The following FILIP1L variants were observed in gnomAD, a reference collection of about 807,000 sequenced individuals.
The protein encoded by FILIP1L is filamin A-interacting protein 1-like.
Under a neutral mutation model 96.6 loss-of-function variants are expected in FILIP1L, and 55 were observed. That is an observed-to-expected ratio of 0.57 (90% CI 0.46 to 0.71). FILIP1L has a LOEUF of 0.71. Ranked by LOEUF, FILIP1L falls within the 30% of genes least tolerant of loss-of-function variation. The pLI is 0.00. For synonymous variants in FILIP1L, 467 were observed against 473.9 expected, an observed-to-expected ratio of 0.99 and a Z score of 0.19; for missense variants, 1,304 against 1,321.2, an observed-to-expected ratio of 0.99 and a Z score of 0.20.
intron 1 of FILIP1L, among the ~76,000 whole-genome samples, chr3:100,066,303 T>C (rs1055831123): frequency 2.6e-5 from 4 of 152,210 alleles, no homozygotes; most frequent in African/African-American, 9.6e-5. Flanking sequence ...TAAAACCTCT[T>C]ACAGAAATTA....
At chr3:100,004,151 T>G (rs891477613) in intron 1 of FILIP1L, among the ~76,000 whole-genome samples, 11 of 152,170 alleles carry the variant, frequency 7.2e-5, no homozygotes, top group African/African-American at 2.7e-4. Context: ...ATTTGCAAGG[T>G]AATTTTGACA....
intron 1 of FILIP1L, among the ~76,000 whole-genome samples, chr3:99,973,579 A>G (rs1708884526): frequency 6.6e-6 from 1 of 152,182 alleles, no homozygotes; most frequent in South Asian, 2.1e-4. Flanking sequence ...AAAGTTATCA[A>G]CATCCTCCCT....
At chr3:100,057,648 G>T (rs1454501739) in intron 1 of FILIP1L, among the ~76,000 whole-genome samples, 2 of 152,156 alleles carry the variant, frequency 1.3e-5, no homozygotes, top group Admixed American at 1.3e-4. Flanking sequence ...AATGCTTTGG[G>T]ATCAGGCCCC....
At chr3:99,887,949 A>C (rs1423723828) in intron 4 of FILIP1L, among the ~76,000 whole-genome samples, 1 of 151,966 alleles carries the variant, frequency 6.6e-6, no homozygotes, top group African/African-American at 2.4e-5. Context: ...CATGTTGCCC[A>C]GGCTCATCTT....
At position 99,930,140 on chromosome 3, in the gene FILIP1L, A is replaced by T; in HGVS notation, c.253-111T>A. The T allele has an allele frequency of 3.5e-6, 3 of 850,178 alleles. No homozygotes were observed. In the South Asian group the frequency reaches 5.5e-5, roughly 16 times the overall value. The allele number at this position is 850,178 out of a possible 1,614,324, so 52.7% of individuals were successfully genotyped here. A position where few individuals can be genotyped will look rare whatever the true frequency, so the allele number is the denominator to read the frequency against. On this transcript the variant is annotated intron_variant, in intron 2 of 5. Transcript: ENST00000477258. The stretch of plus-strand genomic sequence containing the variant: ...TTTCTTCTCTTTCAAATCTAAATGA[A>T]TCATATTTCATTTTCACACTTTTAT...
intron 3 of FILIP1L, chr3:99,925,988 T>G (rs1206327593): frequency 1.7e-6 from 1 of 604,064 alleles, no homozygotes; most frequent in East Asian, 1.4e-4. Context: ...ATTAAGAACT[T>G]GGTTTTGAAA....
At chr3:99,865,518 T>A (rs1944469389) in intron 4 of FILIP1L, among the ~76,000 whole-genome samples, 1 of 152,166 alleles carries the variant, frequency 6.6e-6, no homozygotes, top group South Asian at 2.1e-4. Flanking sequence ...CATTAGCAAA[T>A]ATTCTCTTAG....
At chr3:100,084,423 C>T (rs1559752060) in intron 1 of FILIP1L, among the ~76,000 whole-genome samples, 1 of 152,152 alleles carries the variant, frequency 6.6e-6, no homozygotes, top group Non-Finnish European at 1.5e-5. Flanking sequence ...TGCAAATTCA[C>T]ATTTTGGGCT....
At chr3:99,936,771 T>G (rs963062341) in intron 1 of FILIP1L, among the ~76,000 whole-genome samples, 1 of 151,756 alleles carries the variant, frequency 6.6e-6, no homozygotes, top group African/African-American at 2.4e-5. Context: ...CTCCAGAGCC[T>G]ACTAAATCAC....
chr3:100,113,908 A>T (rs977574750), intron 1 of FILIP1L, 145 bp downstream of exon 1: 1 of 152,138 alleles, frequency 6.6e-6, no homozygotes, highest in Non-Finnish European at 1.5e-5. Flanking sequence ...ATCATCTGTC[A>T]TAAGCTCTTA....
intron 1 of FILIP1L, among the ~76,000 whole-genome samples, chr3:100,055,287 T>G (rs1234075310): frequency 6.6e-6 from 1 of 152,200 alleles, no homozygotes; most frequent in Non-Finnish European, 1.5e-5. Flanking sequence ...CCTCAGTATC[T>G]TTAGCATTAC....
At chr3:99,960,100 G>A (rs929468725) in intron 1 of FILIP1L, among the ~76,000 whole-genome samples, 5 of 151,994 alleles carry the variant, frequency 3.3e-5, no homozygotes, top group Admixed American at 1.3e-4. Context: ...GCTCCATCCC[G>A]ACCTGGGTTA....
At position 99,951,423 on chromosome 3, in the gene FILIP1L, C is replaced by T. The variant is rs559258070; in HGVS notation, c.-10-20393G>A. On this transcript the variant is annotated intron_variant, in intron 1 of 5. Transcript: ENST00000477258. ...ACCTTGCGCATAGTATGTACTCTGT[C>T]GAATGAATGAATGATTGAATGAATG... Among the ~76,000 whole-genome samples the T allele has an allele frequency of 2.4e-4, 37 of 152,186 alleles. No homozygotes were observed. The Middle Eastern group carries it at 0.027, about 112-fold the overall frequency.
chr3:99,850,296 T>G lies in FILIP1L; in HGVS notation c.1380A>C (p.Gln460His). 1.9e-6 allele frequency: 3 copies of G among 1,613,852 alleles called. No individual in the cohort carries two copies. Among genetic ancestry groups the G allele is most frequent in the Non-Finnish European group, 2.5e-6 (3 of 1,179,988 alleles). The change falls in exon 5 of 6, where the codon CAA (glutamine) becomes CAC (histidine). Residue 460 changes from glutamine (Q) to histidine (H), a missense_variant. By Grantham distance (24) the Gln-to-His change is conservative (BLOSUM62 0). Transcript: ENST00000477258. The part of the protein sequence containing the change: ...KERMTTKQLS[Q>H]ELESLKVRIK... Reference sequence around the variant, plus strand: ...TCCTTACTTTTAAACTCTCCAGTTCTTGAGACAACTGCTTTGTGGTCATCC... The same window carrying G: ...TCCTTACTTTTAAACTCTCCAGTTCGTGAGACAACTGCTTTGTGGTCATCC...
intron 1 of FILIP1L, among the ~76,000 whole-genome samples, chr3:100,039,134 A>G (rs776013334): frequency 6.6e-6 from 1 of 152,232 alleles, no homozygotes; most frequent in Non-Finnish European, 1.5e-5. Flanking sequence ...TATTGAAATT[A>G]TCATCATCTA....
At chr3:99,983,428 GTA>G (rs1553702729) in intron 1 of FILIP1L, among the ~76,000 whole-genome samples, 1 of 47,152 alleles carries the variant, frequency 2.1e-5, no homozygotes, top group African/African-American at 1.0e-4. Flanking sequence ...ATGTATGTAT[GTA>G]TGTATATATA....
At chr3:99,896,336 C>T (rs1042661344) in intron 4 of FILIP1L, among the ~76,000 whole-genome samples, 5 of 152,158 alleles carry the variant, frequency 3.3e-5, no homozygotes, top group Admixed American at 6.5e-5. Context: ...TAATGTTAGC[C>T]ACATAATTGG....
intron 1 of FILIP1L, 99 bp downstream of exon 1, chr3:100,113,954 T>C (rs899980448): frequency 5.3e-5 from 8 of 152,080 alleles, no homozygotes; most frequent in African/African-American, 1.9e-4. Context: ...ATTCACAAGA[T>C]CCTACTTTTG....
intron 1 of FILIP1L, chr3:100,041,364 G>A (rs939525079): frequency 6.6e-6 from 1 of 152,092 alleles, no homozygotes; most frequent in Non-Finnish European, 1.5e-5. Flanking sequence ...GTAACTTCAG[G>A]TCTGTGAAGC....
Sources: allele counts gnomAD v4.1 joint callset (sites outside exome capture counted in the v4.1 genomes callset), GRCh38; gene constraint gnomAD v4.1.1; transcripts MANE v1.5; gene names NCBI Gene and HGNC (gene_info 2026-07-23, HGNC 2026-07-21).